The following TRPM3 variants were observed in gnomAD, a reference collection of about 807,000 sequenced individuals.
TRPM3 encodes the protein transient receptor potential cation channel subfamily M member 3, also known as long transient receptor potential channel 3.
TRPM3 carries 77 observed loss-of-function variants against 181.2 expected under a neutral mutation model. That is an observed-to-expected ratio of 0.42 (90% CI 0.35 to 0.51). The LOEUF (loss-of-function observed/expected upper bound fraction) is 0.51. Among genes scored for constraint, TRPM3 ranks in the 20% least tolerant of loss-of-function variants. TRPM3 has a pLI of 0.01. For synonymous variants in TRPM3, 745 were observed against 796.4 expected, an observed-to-expected ratio of 0.94 and a Z score of 1.09; for missense variants, 1,759 against 2,196.7, an observed-to-expected ratio of 0.80 and a Z score of 3.98.
At chr9:71,208,487 G>T (rs2079267503) in intron 1 of TRPM3, among the ~76,000 whole-genome samples, 2 of 152,152 alleles carry the variant, frequency 1.3e-5, no homozygotes, top group African/African-American at 4.8e-5. Flanking sequence ...GCAGTTGTTG[G>T]TGTTGGTATT....
At chr9:70,674,724 A>T (rs1205099556) in intron 9 of TRPM3, among the ~76,000 whole-genome samples, 141 of 97,816 alleles carry the variant, frequency 1.4e-3, no homozygotes, top group Admixed American at 2.2e-3. Context: ...TATTCAGGCT[A>T]TTTTTTTTTT....
intron 1 of TRPM3, among the ~76,000 whole-genome samples, chr9:71,101,110 G>A (rs181593948): frequency 3.9e-5 from 6 of 152,136 alleles, no homozygotes; most frequent in Admixed American, 1.3e-4. Flanking sequence ...TTATTCTCTC[G>A]AAATAATACA....
chr9:70,975,855 T>C (rs2097296872), intron 1 of TRPM3, among the ~76,000 whole-genome samples: 1 of 152,154 alleles, frequency 6.6e-6, no homozygotes, highest in African/African-American at 2.4e-5. Flanking sequence ...ACCTAACTCC[T>C]CAAAGCCCAG....
chr9:70,804,369 G>C (rs568211715), intron 6 of TRPM3, among the ~76,000 whole-genome samples: 1 of 151,942 alleles, frequency 6.6e-6, no homozygotes, highest in Admixed American at 6.6e-5. Context: ...AAAAACTACT[G>C]TTCTTTATTG....
intron 1 of TRPM3, among the ~76,000 whole-genome samples, chr9:71,182,932 G>A (rs2134924015): frequency 6.6e-6 from 1 of 152,194 alleles, no homozygotes; most frequent in East Asian, 1.9e-4. Context: ...AAAGTGCTGG[G>A]ATTACAGGCA....
chr9:70,848,383 G>C (rs149877641), intron 3 of TRPM3, among the ~76,000 whole-genome samples: 1 of 152,224 alleles, frequency 6.6e-6, no homozygotes, highest in African/African-American at 2.4e-5. Flanking sequence ...CAGAATTATA[G>C]GTAGAAGTAA....
intron 1 of TRPM3, among the ~76,000 whole-genome samples, chr9:71,326,894 C>T (rs573770242): frequency 1.3e-5 from 2 of 152,246 alleles, no homozygotes; most frequent in South Asian, 2.1e-4. Flanking sequence ...TGAGAGTGCA[C>T]GGAGGAGAGA....
At chr9:70,762,731 T>C (rs1250632924) in intron 7 of TRPM3, among the ~76,000 whole-genome samples, 1 of 152,222 alleles carries the variant, frequency 6.6e-6, no homozygotes, top group Admixed American at 6.5e-5. Flanking sequence ...ATTTGTTCTA[T>C]TTCACAGGCA....
chr9:70,537,280 G>A lies in TRPM3; in HGVS notation c.3833C>T (p.Ala1278Val). The change falls in exon 26 of 26, where the codon GCC becomes GTC. Residue 1278 changes from alanine to valine, a missense_variant. Around this residue, in one of 8 missense-constraint regions of TRPM3, gnomAD observed 612 missense variants for 590.0 expected, o/e 1.04. Coordinates refer to ENST00000677713, the MANE Select transcript of TRPM3 (RefSeq NM_001366145.2). ...CTCCAGACCTGTCAGGCGCTCCAGG[G>A]CCGTGGCCATGCGCCCGATAAGGTC... Reference protein sequence around the residue: ...LEDLIGRMATALERLTGLERA... With the variant: ...LEDLIGRMATVLERLTGLERA... 1 of 1,570,340 alleles carries A rather than the reference G, an allele frequency of 6.4e-7. No homozygotes were observed.
intron 1 of TRPM3, among the ~76,000 whole-genome samples, chr9:70,870,812 AG>A (rs2095773957): frequency 6.6e-6 from 1 of 152,056 alleles, no homozygotes; most frequent in Non-Finnish European, 1.5e-5. Context: ...GGTGATAGGT[AG>A]GAAACATTTT....
chr9:70,568,271 T>C (rs961127063), intron 22 of TRPM3, among the ~76,000 whole-genome samples: 2 of 152,168 alleles, frequency 1.3e-5, no homozygotes, highest in Non-Finnish European at 2.9e-5. Flanking sequence ...TATAACAAAT[T>C]TCAAGCCCAA....
At chr9:70,630,652 T>G (rs1415561224) in intron 12 of TRPM3, among the ~76,000 whole-genome samples, 1 of 152,232 alleles carries the variant, frequency 6.6e-6, no homozygotes, top group Admixed American at 6.5e-5. Flanking sequence ...GTTCTAGCAC[T>G]TCCCCCTCCC....
chr9:70,831,928 C>T (rs1393528906), intron 5 of TRPM3, among the ~76,000 whole-genome samples: 1 of 117,578 alleles, frequency 8.5e-6, no homozygotes, highest in East Asian at 2.5e-4. Context: ...TTTCATAGTG[C>T]ATGTCTGTAT....
At chr9:71,137,380 G>A (rs1056687076) in intron 1 of TRPM3, among the ~76,000 whole-genome samples, 1 of 152,106 alleles carries the variant, frequency 6.6e-6, no homozygotes, top group Non-Finnish European at 1.5e-5. Flanking sequence ...TAAGTATCAA[G>A]TAAACAAATT....
At chr9:71,428,333 T>A in intron 1 of TRPM3, among the ~76,000 whole-genome samples, 1 of 150,872 alleles carries the variant, frequency 6.6e-6, no homozygotes, top group Non-Finnish European at 1.5e-5. Context: ...TGACCTCAGA[T>A]GATCTGCCCT....
intron 1 of TRPM3, among the ~76,000 whole-genome samples, chr9:71,228,548 G>A: frequency 6.6e-6 from 1 of 152,270 alleles, no homozygotes; most frequent in South Asian, 2.1e-4. Flanking sequence ...CTTGTTTGCA[G>A]ATGATAAAAT....
At chr9:71,238,260 G>A (rs1289692036) in intron 1 of TRPM3, among the ~76,000 whole-genome samples, 1 of 151,882 alleles carries the variant, frequency 6.6e-6, no homozygotes, top group Non-Finnish European at 1.5e-5. Context: ...GGTGATGCTT[G>A]ATTTTTCAAA....
At chr9:70,983,272 G>C (rs2097382907) in intron 1 of TRPM3, among the ~76,000 whole-genome samples, 1 of 151,884 alleles carries the variant, frequency 6.6e-6, no homozygotes, top group South Asian at 2.1e-4. Flanking sequence ...GCTCTTCCAA[G>C]CCATTAAATA....
At chr9:70,777,124 A>T (rs1244863187) in intron 7 of TRPM3, among the ~76,000 whole-genome samples, 1 of 152,156 alleles carries the variant, frequency 6.6e-6, no homozygotes, top group Non-Finnish European at 1.5e-5. Context: ...TGAAATCATC[A>T]CTTGGCATTG....
Sources: gnomAD v4.1 joint callset for allele counts (sites outside exome capture counted in the v4.1 genomes callset) on GRCh38, gnomAD v4.1.1 for gene constraint, gnomAD v4.1.1 regional missense constraint, MANE v1.5 for transcripts, NCBI Gene and HGNC (gene_info 2026-07-23, HGNC 2026-07-21) for gene names.